The following ZNF276 variants were observed in gnomAD, a reference collection of about 807,000 sequenced individuals.
The protein encoded by ZNF276 is centromere protein Z.
Under a neutral mutation model 63.9 loss-of-function variants are expected in ZNF276, and 59 were observed. That is an observed-to-expected ratio of 0.92 (90% CI 0.75 to 1.15). ZNF276 has a LOEUF of 1.15. Ranked by LOEUF, ZNF276 falls within the 50% of genes most tolerant of loss-of-function variation. ZNF276 has a pLI of 0.00. For missense variants in ZNF276, 1,084 were observed against 843.8 expected (o/e 1.28, Z -3.53); for synonymous variants, 496 against 348.4 (o/e 1.42, Z -4.72).
At position 89,738,021 on chromosome 16, in the gene ZNF276, G is replaced by C; in HGVS notation, c.1620G>C (p.Lys540Asn). Reference sequence around the variant, plus strand: ...AGTGCAGGCAGCGGGCATCCCTCAAGTACCACATGACCAAACACAAGGCTG... The same window carrying C: ...AGTGCAGGCAGCGGGCATCCCTCAACTACCACATGACCAAACACAAGGCTG... The part of the protein sequence containing the change: ...GFQCRQRASL[K>N]YHMTKHKAET... The change falls in exon 11 of 11, where the codon AAG (lysine) becomes AAC (asparagine). Residue 540 changes from lysine (K) to asparagine (N), a missense_variant. By Grantham distance (94) the Lys-to-Asn change is moderately conservative. Coordinates refer to ENST00000443381, the MANE Select transcript of ZNF276 (RefSeq NM_001113525.2). The C allele has an allele frequency of 6.2e-7, 1 of 1,614,130 alleles. No individual in the cohort carries two copies. The highest frequency in any genetic ancestry group is 8.5e-7 in the Non-Finnish European group (1 of 1,180,034).
Position 89,729,222 on chromosome 16 carries a change from T to C in ZNF276, c.1086-13T>C. On this transcript the variant is annotated splice_polypyrimidine_tract_variant and intron_variant, in intron 5 of 10. Coordinates refer to ENST00000443381, the MANE Select transcript of ZNF276 (RefSeq NM_001113525.2). The stretch of plus-strand genomic sequence containing the variant: ...GCCCAGGGCTTTGCTGAAGATTCTC[T>C]CTTAATTCCTAGAGACGTCTTGAGT... 6.2e-7 allele frequency: 1 copy of C among 1,613,586 alleles called. No individual in the cohort carries two copies. The highest frequency in any genetic ancestry group is 8.5e-7 in the Non-Finnish European group (1 of 1,179,532).
chr16:89,723,283 C>CA lies in ZNF276; in HGVS notation c.581dup (p.Cys195ValfsTer95). The stretch of plus-strand genomic sequence containing the variant: ...AGTGGATCTGATCACATCCAGCCCC[C>CA]AGTGCCTGCACGGCTTGGTGGGGTG... On this transcript the variant is annotated frameshift_variant, in exon 4 of 11. Transcript: ENST00000443381. LOFTEE classifies it high-confidence loss of function. 6.2e-7 allele frequency: 1 copy of CA among 1,613,078 alleles called. No individual in the cohort carries two copies. The highest frequency in any genetic ancestry group is 8.5e-7 in the Non-Finnish European group (1 of 1,179,966).
At chr16:89,735,847 T>G (rs949937082) in intron 9 of ZNF276, among the ~76,000 whole-genome samples, 3 of 152,012 alleles carry the variant, frequency 2.0e-5, no homozygotes, top group Non-Finnish European at 4.4e-5. Flanking sequence ...CCTGAGTAGC[T>G]GGGATTACAG....
At chr16:89,737,537 A>C in intron 9 of ZNF276, 2 of 480,330 alleles carry the variant, frequency 4.2e-6, no homozygotes, top group South Asian at 2.9e-5. Flanking sequence ...AAAAAAAGAC[A>C]AGAATCTGTG....
upstream of ZNF276, chr16:89,720,891 G>A: frequency 3.8e-6 from 5 of 1,328,428 alleles, no homozygotes; most frequent in Non-Finnish European, 4.8e-6. Flanking sequence ...GGCGGCGGTA[G>A]CCGAGGGGCT....
rs781181971 is a variant in ZNF276, at chr16:89,722,853, A to G, written c.509+19A>G. On this transcript the variant is annotated intron_variant, in intron 2 of 10. Coordinates refer to ENST00000443381, the MANE Select transcript of ZNF276 (RefSeq NM_001113525.2). ...GTGCAAAGTACGCCCTAGTCTGTTC[A>G]GAGCACGTTCAGGCTGTCAGTACTG... 2.5e-6 allele frequency: 4 copies of G among 1,595,210 alleles called. No individual in the cohort carries two copies. Among genetic ancestry groups the G allele is most frequent in the South Asian group, 1.1e-5 (1 of 90,714 alleles).
At chr16:89,721,082 G>A (rs1185046066), upstream of ZNF276, 5 of 356,694 alleles carry the variant, frequency 1.4e-5, no homozygotes, top group Admixed American at 4.9e-5. Flanking sequence ...CGACGGAGCC[G>A]GGCCTCTTCG....
intron 4 of ZNF276, among the ~76,000 whole-genome samples, chr16:89,724,041 G>A (rs969938874): frequency 2.6e-5 from 4 of 152,274 alleles, no homozygotes; most frequent in African/African-American, 9.6e-5. Context: ...GGCCTTGTCT[G>A]TGGATGTGGG....
In ZNF276 at chr16:89,722,401, G is replaced by T. The variant is rs952060267; in HGVS notation, c.206-130G>T. Reference sequence around the variant, plus strand: ...TTGTCCCGCCGAGAGCCGCGCGCCCGAGCCGCTTGCTGTGTCCGGGAGCCG... The same window carrying T: ...TTGTCCCGCCGAGAGCCGCGCGCCCTAGCCGCTTGCTGTGTCCGGGAGCCG... On this transcript the variant is annotated intron_variant, in intron 1 of 10. Coordinates refer to ENST00000443381, the MANE Select transcript of ZNF276 (RefSeq NM_001113525.2). The T allele has an allele frequency of 2.9e-5, 31 of 1,067,440 alleles. No individual in the cohort carries two copies. The East Asian group carries it at 6.9e-4, about 24-fold the overall frequency. The allele number at this position is 1,067,440 out of a possible 1,614,324, so 66.1% of individuals were successfully genotyped here.
intron 9 of ZNF276, 41 bp downstream of exon 9, chr16:89,734,079 G>T (rs1418843953): frequency 6.3e-7 from 1 of 1,582,926 alleles, no homozygotes; most frequent in Non-Finnish European, 8.7e-7. Flanking sequence ...GTGACAGCCA[G>T]GGGCACGTGA....
chr16:89,738,978 G>T lies in ZNF276; in HGVS notation c.*732G>T, dbSNP rs775180524. 3.1e-6 allele frequency: 5 copies of T among 1,614,078 alleles called. No homozygotes were observed. The African/African-American group carries it at 5.3e-5, about 17-fold the overall frequency. On this transcript the variant is annotated 3_prime_UTR_variant, in exon 11 of 11. Coordinates refer to ENST00000443381, the MANE Select transcript of ZNF276 (RefSeq NM_001113525.2). Reference sequence around the variant, plus strand: ...TTATCAGTTCCACGGGGTTGCCCTAGAGAGAAAACAGGCAAACTCACAGGT... The same window carrying T: ...TTATCAGTTCCACGGGGTTGCCCTATAGAGAAAACAGGCAAACTCACAGGT...
In ZNF276 at chr16:89,739,720, G is replaced by C. The variant is rs2062077150; in HGVS notation, c.*1474G>C. 2.7e-6 allele frequency: 4 copies of C among 1,507,150 alleles called. No homozygotes were observed. The highest frequency in any genetic ancestry group is 2.0e-5 in the Admixed American group (1 of 49,472). The allele number at this position is 1,507,150 out of a possible 1,614,324, so 93.4% of individuals were successfully genotyped here. A position where few individuals can be genotyped will look rare whatever the true frequency, so the allele number is the denominator to read the frequency against. The stretch of plus-strand genomic sequence containing the variant: ...TACCCAGGTACCTGTCAGCAGCTGG[G>C]AGAGGATGGGGGGGTCGACCTCTTG... On this transcript the variant is annotated 3_prime_UTR_variant, in exon 11 of 11. Transcript: ENST00000443381.
At position 89,739,927 on chromosome 16, in the gene ZNF276, A is replaced by C; in HGVS notation, c.*1681A>C. 1 of 1,604,904 alleles carries C rather than the reference A, an allele frequency of 6.2e-7. No homozygotes were observed. The highest frequency in any genetic ancestry group is 8.5e-7 in the Non-Finnish European group (1 of 1,173,262). ...GAACCTCAAGGAGGGCTCGTTCTTA[A>C]CCATTTGCAAGATGCCTCTGAAAAG... is the stretch of plus-strand genomic sequence containing the variant. On this transcript the variant is annotated 3_prime_UTR_variant, in exon 11 of 11. Transcript: ENST00000443381.
chr16:89,731,322 T>C (rs1221466521), intron 6 of ZNF276, among the ~76,000 whole-genome samples: 3 of 152,238 alleles, frequency 2.0e-5, no homozygotes, highest in Admixed American at 1.3e-4. Flanking sequence ...GGCACGATCT[T>C]GGCTCACTGC....
chr16:89,729,402 C>A, intron 6 of ZNF276, 84 bp downstream of exon 6: 1 of 1,228,412 alleles, frequency 8.1e-7, no homozygotes, highest in African/African-American at 1.5e-5. Flanking sequence ...CTCCCCGGTG[C>A]CCACTCAGTT....
chr16:89,723,262 G>A lies in ZNF276; in HGVS notation c.559G>A (p.Asp187Asn). Reference protein sequence around the residue: ...TGAEEGACLVDLITSSPQCLH... With the variant: ...TGAEEGACLVNLITSSPQCLH... ...ACATCTCTGTTGACTCTCTGCAGTG[G>A]ATCTGATCACATCCAGCCCCCAGTG... The change falls in exon 4 of 11, where the codon GAT (aspartate) becomes AAT (asparagine). Residue 187 changes from aspartate to asparagine, a missense_variant and splice_region_variant. Physicochemically the swap from Asp to Asn is conservative, Grantham distance 23 (BLOSUM62 1). Coordinates refer to ENST00000443381, the MANE Select transcript of ZNF276 (RefSeq NM_001113525.2). The A allele has an allele frequency of 6.2e-7, 1 of 1,613,132 alleles. No homozygotes were observed. Among genetic ancestry groups the A allele is most frequent in the South Asian group, 1.1e-5 (1 of 91,076 alleles).
At position 89,737,898 on chromosome 16, in the gene ZNF276, C is replaced by T. The variant is rs1184479963; in HGVS notation, c.1567C>T (p.Pro523Ser). Residue 523 changes from proline (P) to serine (S), a missense_variant, in exon 10 of 11, where the codon CCT becomes TCT. Pro to Ser is a moderately conservative substitution (Grantham distance 74). Coordinates refer to ENST00000443381, the MANE Select transcript of ZNF276 (RefSeq NM_001113525.2). ...VHQMRHSGAKPLQCEVCGFQC... is the reference protein window; with the variant it reads ...VHQMRHSGAKSLQCEVCGFQC... ...CCAAATGCGACATTCGGGAGCCAAG[C>T]CTTTGCAGTAAGTGTGAGTCAGGAC... The T allele has an allele frequency of 6.2e-7, 1 of 1,607,538 alleles. No homozygotes were observed. The highest frequency in any genetic ancestry group is 8.5e-7 in the Non-Finnish European group (1 of 1,179,314).
rs1219694478 is a variant in ZNF276 at position 89,738,796 on chromosome 16, T to C, written c.*550T>C. On this transcript the variant is annotated 3_prime_UTR_variant, in exon 11 of 11. Coordinates refer to ENST00000443381, the MANE Select transcript of ZNF276 (RefSeq NM_001113525.2). ...GGCTCTGGCAGAAATAGTCGAGTTG[T>C]ATTGCCAGCCAGGCAGGCACATGGC... is the stretch of plus-strand genomic sequence containing the variant. The C allele has an allele frequency of 1.2e-6, 2 of 1,613,506 alleles. No homozygotes were observed. The highest frequency in any genetic ancestry group is 1.7e-5 in the Admixed American group (1 of 59,878).
chr16:89,735,878 G>A (rs1475992788), intron 9 of ZNF276, among the ~76,000 whole-genome samples: 1 of 134,406 alleles, frequency 7.4e-6, no homozygotes, highest in African/African-American at 2.8e-5. Context: ...CCACGCCGGG[G>A]GTGTTTTTTT....
Sources: allele counts gnomAD v4.1 joint callset (sites outside exome capture counted in the v4.1 genomes callset), GRCh38; gene constraint gnomAD v4.1.1; transcripts MANE v1.5; gene names NCBI Gene and HGNC (gene_info 2026-07-23, HGNC 2026-07-21).